The following CSF1R variants were observed in gnomAD, a reference collection of about 807,000 sequenced individuals.
CSF1R encodes macrophage colony-stimulating factor 1 receptor.
CSF1R carries 40 observed loss-of-function variants against 110.0 expected under a neutral mutation model. The ratio of observed to expected loss-of-function variants is 0.36; its 90% CI spans 0.28 to 0.47. The LOEUF (loss-of-function observed/expected upper bound fraction) is 0.47. Ranked by LOEUF, CSF1R falls within the 20% of genes least tolerant of loss-of-function variation. The pLI is 0.99. For missense variants in CSF1R, 1,052 were observed against 1,253.0 expected (o/e 0.84, Z 2.42); for synonymous variants, 523 against 503.4 (o/e 1.04, Z -0.52).
rs568121042 is a variant in CSF1R at position 150,077,126 on chromosome 5, T to C, written c.889+150A>G. 3.6e-5 allele frequency: 34 copies of C among 954,438 alleles called. No individual in the cohort carries two copies. The East Asian group carries it at 8.1e-4, about 23-fold the overall frequency. 59.1% of individuals were successfully genotyped at this position (954,438 alleles called of 1,614,324 possible). The stretch of plus-strand genomic sequence containing the variant: ...AGGGTAAGGGAAAGCTCCTGGAGAG[T>C]GGCTCCTTAGCCAGGCCTTGGATAA... On this transcript the variant is annotated intron_variant, in intron 5 of 20. Coordinates refer to ENST00000675795, the MANE Select transcript of CSF1R (RefSeq NM_001288705.3).
intron 5 of CSF1R, chr5:150,076,933 C>T: frequency 8.5e-6 from 3 of 351,882 alleles, no homozygotes; most frequent in Non-Finnish European, 1.6e-5. Context: ...ACTGGGTGAT[C>T]ATTGTCTTTT....
At chr5:150,085,327 C>CCAT in intron 1 of CSF1R, among the ~76,000 whole-genome samples, 1 of 149,624 alleles carries the variant, frequency 6.7e-6, no homozygotes, top group Admixed American at 6.6e-5. Context: ...ATTGCCTGGG[C>CCAT]CAGAGAAGGA....
intron 3 of CSF1R, 73 bp from the exon 4 acceptor site, chr5:150,078,321 C>A: frequency 6.4e-7 from 1 of 1,564,988 alleles, no homozygotes; most frequent in African/African-American, 1.4e-5. Flanking sequence ...TCCTCCCTGC[C>A]ATGGGCCAGG....
chr5:150,083,173 G>T (rs565339546), intron 1 of CSF1R, among the ~76,000 whole-genome samples: 8 of 151,932 alleles, frequency 5.3e-5, no homozygotes, highest in Non-Finnish European at 1.0e-4. Context: ...CGGGGTGGGG[G>T]CATGGGCTTA....
intron 16 of CSF1R, among the ~76,000 whole-genome samples, chr5:150,057,055 A>G (rs1019478569): frequency 2.0e-5 from 3 of 152,198 alleles, no homozygotes; most frequent in African/African-American, 7.2e-5. Context: ...AAAGCCTGGT[A>G]CCCTTCCTCA....
intron 1 of CSF1R, among the ~76,000 whole-genome samples, chr5:150,098,889 ACTTTT>A (rs1296056983): frequency 7.5e-6 from 1 of 132,998 alleles, no homozygotes; most frequent in Non-Finnish European, 1.6e-5. Context: ...AATACAAACA[ACTTTT>A]TTTTTTTTTT....
intron 1 of CSF1R, among the ~76,000 whole-genome samples, chr5:150,111,743 A>C (rs1006325080): frequency 9.2e-5 from 14 of 152,216 alleles, no homozygotes; most frequent in African/African-American, 2.9e-4. Flanking sequence ...AAGTCACTTC[A>C]AAACCTCCCT....
upstream of CSF1R, among the ~76,000 whole-genome samples, chr5:150,088,133 GTGTTTGTA>G (rs1758917212): frequency 6.6e-6 from 1 of 152,090 alleles, no homozygotes; most frequent in African/African-American, 2.4e-5. Context: ...GTGTATGTGT[GTGTTTGTA>G]TGTATATTTA....
In CSF1R at chr5:150,057,537, A is replaced by G. The variant is rs1379743229; in HGVS notation, c.2188T>C (p.Ser730Pro). The change falls in exon 15 of 21, where the codon TCC becomes CCC. Residue 730 changes from serine (S) to proline (P), a missense_variant. This residue lies in a region of CSF1R where 124 missense variants were observed against 117.7 expected (regional missense o/e 1.05). Coordinates refer to ENST00000675795, the MANE Select transcript of CSF1R (RefSeq NM_001288705.3). ...VDTYVEMRPV[S>P]TSSNDSFSEQ... ...GAGAAGGAGTCATTTGAAGAAGTGG[A>G]GACAGGCCTCATCTCCACATAGGTG... The G allele has an allele frequency of 1.9e-6, 3 of 1,614,224 alleles. No individual in the cohort carries two copies. Among genetic ancestry groups the G allele is most frequent in the East Asian group, 4.5e-5 (2 of 44,888 alleles).
chr5:150,068,151 C>G, intron 10 of CSF1R, 64 bp downstream of exon 10: 3 of 1,304,238 alleles, frequency 2.3e-6, no homozygotes, highest in South Asian at 1.3e-5. Flanking sequence ...TCCATGCAGC[C>G]TGGGGGTACC....
At chr5:150,086,078 C>T (rs749821874) in intron 1 of CSF1R, among the ~76,000 whole-genome samples, 2 of 152,194 alleles carry the variant, frequency 1.3e-5, no homozygotes, top group Non-Finnish European at 2.9e-5. Flanking sequence ...GCCCCCAACA[C>T]CTGCAATTGA....
chr5:150,109,060 C>CG (rs796543393), intron 1 of CSF1R, among the ~76,000 whole-genome samples: 692 of 15,562 alleles, frequency 0.044, 32 homozygotes, highest in African/African-American at 0.098. Context: ...AGAAGCCCGC[C>CG]CCCCCCCCAC....
intron 10 of CSF1R, among the ~76,000 whole-genome samples, chr5:150,063,169 C>A (rs1292819820): frequency 1.3e-5 from 2 of 152,134 alleles, no homozygotes; most frequent in Non-Finnish European, 2.9e-5. Flanking sequence ...AAGCATGTGG[C>A]ACCACACCTG....
At chr5:150,073,636 T>C in intron 5 of CSF1R, 143 bp from the exon 6 acceptor site, 1 of 737,132 alleles carries the variant, frequency 1.4e-6, no homozygotes, top group Non-Finnish European at 2.2e-6. Context: ...ACAGGTCCTC[T>C]GACACCCCTC....
rs70973563 is a variant in CSF1R, at chr5:150,085,277, G to GAAA, written c.49+1099_49+1101dup. ...GTGACAGAGAGAGACTCTGTCTCAG[G>GAAA]AAAAAAAAAAAAAAAACCCAAATAC... On this transcript the variant is annotated intron_variant, in intron 1 of 20. Transcript: ENST00000675795. Among the ~76,000 whole-genome samples the GAAA allele has an allele frequency of 2.3e-4, 21 of 92,466 alleles. 1 individual carries two copies. Among genetic ancestry groups the GAAA allele is most frequent in the East Asian group, 2.2e-3 (6 of 2,768 alleles). The allele number at this position is 92,466 out of a possible 152,430, so 60.7% of individuals were successfully genotyped here.
chr5:150,070,468 G>C lies in CSF1R; in HGVS notation c.1186C>G (p.Leu396Val). The change falls in exon 7 of 21, where the codon CTC becomes GTC. Residue 396 changes from leucine to valine, a missense_variant. Coordinates refer to ENST00000675795, the MANE Select transcript of CSF1R (RefSeq NM_001288705.3). ...PGGWRALTFELTLRYPPEVSV... is the reference protein window; with the variant it reads ...PGGWRALTFEVTLRYPPEVSV... ...CCCCAGCACTCACATCGAAGGGTGA[G>C]CTCAAACGTCAGAGCTCTCCAGCCT... is the stretch of plus-strand genomic sequence containing the variant. The C allele has an allele frequency of 6.4e-7, 1 of 1,557,760 alleles. No homozygotes were observed. Among genetic ancestry groups the C allele is most frequent in the African/African-American group, 1.4e-5 (1 of 73,456 alleles).
At position 150,060,893 on chromosome 5, in the gene CSF1R, G is replaced by A. The variant is rs567813801; in HGVS notation, c.1938C>T (p.Ile646=). The part of the protein sequence containing the change: ...IMSHLGQHEN[I]VNLLGACTHG... ...GGGTACAGGCTCCCAGAAGGTTGAC[G>A]ATGTTCTCGTGCTGGCCCAGGTGGC... is the stretch of plus-strand genomic sequence containing the variant. Residue 646 remains isoleucine, a synonymous_variant, in exon 13 of 21, where the codon ATC becomes ATT. Transcript: ENST00000675795. 1.8e-4 allele frequency: 296 copies of A among 1,611,156 alleles called. 2 individuals carry two copies. The South Asian group carries it at 3.0e-3, about 16-fold the overall frequency.
At chr5:150,092,797 C>A (rs1256502086) in intron 1 of CSF1R, among the ~76,000 whole-genome samples, 1 of 152,108 alleles carries the variant, frequency 6.6e-6, no homozygotes, top group East Asian at 1.9e-4. Context: ...GGGGACACAG[C>A]CAAACCATAT....
intron 1 of CSF1R, among the ~76,000 whole-genome samples, chr5:150,109,887 CT>C (rs1406642601): frequency 2.6e-5 from 4 of 152,216 alleles, no homozygotes; most frequent in Non-Finnish European, 5.9e-5. Context: ...CCAAATGCCC[CT>C]CAGTAGGAGA....
Sources: allele counts gnomAD v4.1 joint callset (sites outside exome capture counted in the v4.1 genomes callset), GRCh38; gene constraint gnomAD v4.1.1; regional missense constraint gnomAD v4.1.1; transcripts MANE v1.5; gene names NCBI Gene and HGNC (gene_info 2026-07-23, HGNC 2026-07-21).